Variants in GGT1 observed in about 807,000 individuals in gnomAD.
GGT1 encodes glutathione hydrolase 1 proenzyme.
Under a neutral mutation model 56.0 loss-of-function variants are expected in GGT1, and 21 were observed. The ratio of observed to expected loss-of-function variants is 0.38; its 90% CI spans 0.27 to 0.54. The LOEUF (loss-of-function observed/expected upper bound fraction) is 0.54. Ranked by LOEUF, GGT1 falls within the 20% of genes least tolerant of loss-of-function variation. GGT1 has a pLI of 0.82. For synonymous variants in GGT1, 238 were observed against 342.6 expected (o/e 0.69, Z 3.37); for missense variants, 466 against 787.0 (o/e 0.59, Z 4.88).
At chr22:24,599,420 G>A (rs923543748), upstream of GGT1, 1 of 152,230 alleles carries the variant, frequency 6.6e-6, no homozygotes, top group East Asian at 1.9e-4. Flanking sequence ...GACAAGGGGG[G>A]CCTCTGGAGT....
chr22:24,608,916 C>T (rs1242100856), intron 2 of GGT1: 1 of 152,358 alleles, frequency 6.6e-6, no homozygotes, highest in East Asian at 1.9e-4. Flanking sequence ...GCCTCTGCCT[C>T]CCAAAGTGCT....
At chr22:24,588,810 G>A in the GGT1 span, 81 of 1,015,340 alleles carry the variant, frequency 8.0e-5, no homozygotes, top group South Asian at 3.0e-3. Context: ...TGCGCCTGCG[G>A]GGTCTGGGTC....
Position 24,627,875 on chromosome 22 carries a change from C to G in GGT1, c.1232C>G (p.Pro411Arg). 4 of 1,613,776 alleles carry G rather than the reference C, an allele frequency of 2.5e-6. No individual in the cohort carries two copies. Among genetic ancestry groups the G allele is most frequent in the Non-Finnish European group, 3.4e-6 (4 of 1,179,766 alleles). The change falls in exon 13 of 16, where the codon CCG becomes CGG. Residue 411 changes from proline (P) to arginine (R), a missense_variant. By Grantham distance (103) the Pro-to-Arg change is moderately radical. Coordinates refer to ENST00000400382, the MANE Select transcript of GGT1 (RefSeq NM_001288833.2). ...AGCTTTGGCTCCAAGGTCCGCTCCC[C>G]GGTCAGCGGGATCCTGTTCAATAAT... The part of the protein sequence containing the change: ...NLYFGSKVRS[P>R]VSGILFNNEM...
upstream of GGT1, chr22:24,589,881 G>A (rs566206387): frequency 2.2e-5 from 35 of 1,613,812 alleles, no homozygotes; most frequent in South Asian, 3.0e-4. Flanking sequence ...AGATGGGGTC[G>A]ACCGGGTTGA....
the GGT1 span, chr22:24,583,921 G>A: frequency 5.1e-6 from 2 of 388,638 alleles, no homozygotes; most frequent in African/African-American, 2.1e-5. Context: ...TCCAACAGGA[G>A]TTTCAGGGAG....
rs1204639818 is a variant in GGT1, at chr22:24,627,601, C to A, written c.1190C>A (p.Thr397Asn). 6.2e-7 allele frequency: 1 copy of A among 1,607,568 alleles called. No individual in the cohort carries two copies. Among genetic ancestry groups the A allele is most frequent in the Non-Finnish European group, 8.5e-7 (1 of 1,178,078 alleles). Residue 397 changes from threonine to asparagine, a missense_variant, in exon 12 of 16, where the codon ACC (threonine) becomes AAC (asparagine). Thr to Asn is a moderately conservative substitution (Grantham distance 65, BLOSUM62 0). Around this residue, in one of 2 missense-constraint regions of GGT1, gnomAD observed 456 missense variants for 716.7 expected, o/e 0.64. Coordinates refer to ENST00000400382, the MANE Select transcript of GGT1 (RefSeq NM_001288833.2). ...VAEDGSAVSA[T>N]STINLYFGSK... ...GAGGACGGCAGTGCTGTGTCCGCCACCAGCACCATCAACCTCTAGTAGGGG... is the reference window on the plus strand; with the variant it reads ...GAGGACGGCAGTGCTGTGTCCGCCAACAGCACCATCAACCTCTAGTAGGGG...
Position 24,603,538 on chromosome 22 carries a change from C to G in GGT1, c.-429+11C>G, listed in dbSNP as rs1162567664. 1.3e-5 allele frequency: 2 copies of G among 152,340 alleles called. No individual in the cohort carries two copies. Among genetic ancestry groups the G allele is most frequent in the Admixed American group, 1.3e-4 (2 of 15,264 alleles). The allele number at this position is 152,340 out of a possible 1,614,324, so 9.4% of individuals were successfully genotyped here. ...AGAAGGATCCCACAGGTGGGCAGAG[C>G]CCTGGGTTCTTTATCCGACTGGGTC... On this transcript the variant is annotated intron_variant, in intron 1 of 15. Coordinates refer to ENST00000400382, the MANE Select transcript of GGT1 (RefSeq NM_001288833.2).
chr22:24,599,700 C>T (rs1183669695), upstream of GGT1, among the ~76,000 whole-genome samples: 1 of 152,144 alleles, frequency 6.6e-6, no homozygotes, highest in Non-Finnish European at 1.5e-5. Flanking sequence ...TGGGCACGTC[C>T]ACCTGGCGCA....
chr22:24,595,425 G>A (rs6004191), intron 1 of GGT1, among the ~76,000 whole-genome samples: 23 of 152,316 alleles, frequency 1.5e-4, no homozygotes, highest in African/African-American at 5.1e-4. Context: ...CTGCTGGCCC[G>A]TCTCCCTGGG....
rs1163108858 is a variant in GGT1 at position 24,605,728 on chromosome 22, TATA to T, written c.-429+2205_-429+2207del. ...ATTATATAATGTGTATTATATATTA[TATA>T]ATATTATATAATGTGTATTATATAT... On this transcript the variant is annotated intron_variant, in intron 1 of 15. Transcript: ENST00000400382. 2.9e-4 allele frequency among the ~76,000 whole-genome samples: 20 copies of T among 69,664 alleles called. 1 individual carries two copies. In the South Asian group the frequency reaches 3.8e-3, roughly 13 times the overall value. 45.7% of individuals were successfully genotyped at this position (69,664 alleles called of 152,430 possible).
upstream of GGT1, chr22:24,592,358 T>G (rs1569039294): frequency 2.1e-6 from 1 of 470,650 alleles, no homozygotes; most frequent in Non-Finnish European, 4.4e-6. Context: ...CATGGTGTCT[T>G]GGGGTGAGGC....
rs2047579680 is a variant in GGT1, at chr22:24,623,815, G to A, written c.919G>A (p.Glu307Lys). 12 of 1,611,856 alleles carry A rather than the reference G, an allele frequency of 7.4e-6. No homozygotes were observed. The highest frequency in any genetic ancestry group is 1.1e-5 in the South Asian group (1 of 90,976). Residue 307 changes from glutamate to lysine, a missense_variant, in exon 11 of 16, where the codon GAG becomes AAG. Transcript: ENST00000400382. The stretch of plus-strand genomic sequence containing the variant: ...CTCCCGGGAGAGCGTGGAGAGCCCC[G>A]AGCAGAAGGGCCTGACGTACCACCG... ...NFSRESVESP[E>K]QKGLTYHRIV...
intron 1 of GGT1, among the ~76,000 whole-genome samples, chr22:24,597,371 C>G (rs2045712335): frequency 6.6e-6 from 1 of 152,142 alleles, no homozygotes. Context: ...TGAGGAAAAA[C>G]CAACTCAAAC....
intron 11 of GGT1, among the ~76,000 whole-genome samples, chr22:24,625,383 C>T (rs1373853206): frequency 6.6e-6 from 1 of 152,158 alleles, no homozygotes; most frequent in Non-Finnish European, 1.5e-5. Context: ...AAGCAATCCT[C>T]CCACTTCAGC....
chr22:24,611,531 CTATCTATCTATCATCTATCT>C (rs1255115650), intron 5 of GGT1, among the ~76,000 whole-genome samples: 12 of 129,334 alleles, frequency 9.3e-5, no homozygotes, highest in African/African-American at 2.9e-4. Context: ...ATCTATCTAT[CTATCTATCTATCATCTATCT>C]ATCTATCTAT....
At position 24,611,773 on chromosome 22, in the gene GGT1, TTGTGTGTG is replaced by T. The variant is rs57600451; in HGVS notation, c.164+568_164+575del. On this transcript the variant is annotated intron_variant, in intron 5 of 15. Transcript: ENST00000400382. ...GCGTGCGCCACCACGCCCAACAAATTTGTGTGTGTGTGTGTGTGTGTGTGTGTGTGTGT... is the reference window on the plus strand; with the variant it reads ...GCGTGCGCCACCACGCCCAACAAATTTGTGTGTGTGTGTGTGTGTGTGTGT... 5.8e-3 allele frequency among the ~76,000 whole-genome samples: 760 copies of T among 131,006 alleles called. 6 individuals carry two copies. The highest frequency in any genetic ancestry group is 0.015 in the Middle Eastern group (4 of 260). 85.9% of individuals were successfully genotyped at this position (131,006 alleles called of 152,430 possible).
upstream of GGT1, chr22:24,593,071 G>A (rs1426534640): frequency 3.9e-6 from 4 of 1,036,836 alleles, no homozygotes; most frequent in African/African-American, 3.4e-5. Flanking sequence ...GAACCCACAG[G>A]AGGCCGGGCT....
upstream of GGT1, chr22:24,593,007 G>A: frequency 6.3e-6 from 7 of 1,119,188 alleles, no homozygotes; most frequent in African/African-American, 1.7e-5. Context: ...AGCCAGCCTC[G>A]GGCCCGGCCC....
At chr22:24,594,248 C>T (rs1457087676), upstream of GGT1, among the ~76,000 whole-genome samples, 5 of 152,016 alleles carry the variant, frequency 3.3e-5, no homozygotes, top group Admixed American at 2.6e-4. Context: ...GCGTGGGGAA[C>T]GTTTGAGGCA....
Sources: allele counts gnomAD v4.1 joint callset (sites outside exome capture counted in the v4.1 genomes callset), GRCh38; gene constraint gnomAD v4.1.1; regional missense constraint gnomAD v4.1.1; transcripts MANE v1.5; gene names NCBI Gene and HGNC (gene_info 2026-07-23, HGNC 2026-07-21).